Variants in KIF4A observed in about 807,000 individuals in gnomAD.
KIF4A encodes the protein kinesin family member 4A.
Under a neutral mutation model 105.9 loss-of-function variants are expected in KIF4A, and 7 were observed. The ratio of observed to expected loss-of-function variants is 0.07; its 90% confidence interval spans 0.04 to 0.12. The LOEUF (loss-of-function observed/expected upper bound fraction) is 0.12, where lower values mean the gene tolerates loss of function less well. Among genes scored for constraint, KIF4A ranks in the 10% least tolerant of loss-of-function variants. The probability of loss-of-function intolerance (pLI) is 1.00; values close to 1 mark genes in which losing one functional copy is unlikely to be tolerated. For synonymous variants in KIF4A, 281 were observed against 331.3 expected (o/e 0.85, Z 1.65); for missense variants, 558 against 929.2 (o/e 0.60, Z 5.19).
intron 15 of KIF4A, among the ~76,000 whole-genome samples, chrX:70,354,771 C>T (rs147021437): frequency 0.017 from 1,924 of 111,649 alleles, 24 homozygotes; most frequent in Non-Finnish European, 0.027. Context: ...TCCAGGGGAT[C>T]CCCCAGGGCC....
intron 22 of KIF4A, among the ~76,000 whole-genome samples, chrX:70,400,444 A>G (rs990098915): frequency 1.8e-5 from 2 of 111,753 alleles, no homozygotes; most frequent in Non-Finnish European, 3.8e-5. Flanking sequence ...TTGGGTTGCA[A>G]CTAACTCTTA....
chrX:70,369,570 C>G (rs1243366276), intron 15 of KIF4A, among the ~76,000 whole-genome samples: 1 of 111,755 alleles, frequency 8.9e-6, no homozygotes, highest in Non-Finnish European at 1.9e-5. Context: ...ATCCTCATGA[C>G]TCTGTAATTC....
rs929586415 is a variant in KIF4A at position 70,406,766 on chromosome X, G to C, written c.3073-127G>C. On this transcript the variant is annotated intron_variant, in intron 27 of 30. Transcript: ENST00000374403. ...TCTGATTGGTAAAGCCAAGTGGGGT[G>C]GATTTGAGAGAGTCTGAAATCTTTG... The C allele has an allele frequency of 3.9e-5, 27 of 697,966 alleles. No homozygotes were observed. The African/African-American group carries it at 5.7e-4, about 15-fold the overall frequency. 57.5% of individuals were successfully genotyped at this position (697,966 alleles called of 1,213,427 possible).
intron 20 of KIF4A, among the ~76,000 whole-genome samples, chrX:70,391,761 C>T (rs979357547): frequency 1.8e-5 from 2 of 111,111 alleles, no homozygotes. Context: ...TCAGTCCTCA[C>T]CCTCCTCCCA....
intron 9 of KIF4A, 78 bp downstream of exon 9, chrX:70,330,410 T>A: frequency 2.1e-6 from 2 of 953,444 alleles, no homozygotes; most frequent in Non-Finnish European, 2.9e-6. Context: ...TTCAGTTTCT[T>A]CTTTATCAGA....
At chrX:70,319,979 C>A (rs2085884501) in intron 7 of KIF4A, among the ~76,000 whole-genome samples, 1 of 111,645 alleles carries the variant, frequency 9.0e-6, no homozygotes, top group African/African-American at 3.3e-5. Flanking sequence ...CCATCTTACC[C>A]AACCTCTCTG....
intron 22 of KIF4A, among the ~76,000 whole-genome samples, chrX:70,398,631 G>A (rs954189128): frequency 3.6e-5 from 4 of 111,703 alleles, no homozygotes; most frequent in Non-Finnish European, 7.5e-5. Flanking sequence ...AATCTTCCTT[G>A]TTCTCTAAAC....
chrX:70,368,635 C>T (rs776625125), intron 15 of KIF4A, among the ~76,000 whole-genome samples: 113 of 111,614 alleles, frequency 1.0e-3, no homozygotes, highest in Middle Eastern at 9.2e-3. Context: ...AGCACCCGGC[C>T]GTGTGAGGTG....
chrX:70,332,023 C>G (rs1602752181), intron 9 of KIF4A, among the ~76,000 whole-genome samples: 1 of 111,898 alleles, frequency 8.9e-6, no homozygotes, highest in East Asian at 2.8e-4. Flanking sequence ...TATTCACTGA[C>G]CTGGGTTACA....
intron 10 of KIF4A, among the ~76,000 whole-genome samples, chrX:70,336,788 C>T (rs1185945201): frequency 9.0e-6 from 1 of 111,536 alleles, no homozygotes; most frequent in African/African-American, 3.3e-5. Flanking sequence ...TTTAAGTGTA[C>T]AATTCAATGG....
chrX:70,416,618 G>C (rs977248139), intron 28 of KIF4A, among the ~76,000 whole-genome samples: 1 of 111,529 alleles, frequency 9.0e-6, no homozygotes, highest in Non-Finnish European at 1.9e-5. Flanking sequence ...TTACTGGCAT[G>C]AGCCACCGCA....
In KIF4A at chrX:70,329,666, C is replaced by A. The variant is rs7883259; in HGVS notation, c.895+145C>A. The stretch of plus-strand genomic sequence containing the variant: ...GATAAATACGAGAGAGTGCTGTTGG[C>A]AAGCAGGTTTCTAAGATAATGGAAA... On this transcript the variant is annotated intron_variant, in intron 8 of 30. Transcript: ENST00000374403. The A allele has an allele frequency of 6.0e-4, 274 of 458,467 alleles. 1 individual carries two copies. The African/African-American group carries it at 6.1e-3, about 10-fold the overall frequency. 37.8% of individuals were successfully genotyped at this position (458,467 alleles called of 1,213,427 possible).
chrX:70,371,730 G>C (rs1357983645), intron 15 of KIF4A, among the ~76,000 whole-genome samples: 2 of 109,632 alleles, frequency 1.8e-5, no homozygotes, highest in Non-Finnish European at 3.8e-5. Flanking sequence ...TCCCGGACGG[G>C]GCGGCTGCTG....
At chrX:70,316,567 C>T (rs1353116414) in intron 7 of KIF4A, among the ~76,000 whole-genome samples, 1 of 111,123 alleles carries the variant, frequency 9.0e-6, no homozygotes. Flanking sequence ...ATTGCATATA[C>T]ATATATGTGT....
intron 20 of KIF4A, among the ~76,000 whole-genome samples, chrX:70,391,056 G>A (rs937748262): frequency 1.8e-5 from 2 of 111,572 alleles, no homozygotes; most frequent in South Asian, 3.7e-4. Flanking sequence ...TGGCAATTAC[G>A]AATAAAGCTG....
chrX:70,372,624 G>A (rs1290096600), intron 15 of KIF4A, among the ~76,000 whole-genome samples: 1 of 113,651 alleles, frequency 8.8e-6, no homozygotes, highest in Non-Finnish European at 1.9e-5. Flanking sequence ...GCATCAGAGG[G>A]AGACCGTGGA....
At chrX:70,399,463 A>G (rs2086272187) in intron 22 of KIF4A, among the ~76,000 whole-genome samples, 1 of 111,069 alleles carries the variant, frequency 9.0e-6, no homozygotes, top group South Asian at 3.8e-4. Flanking sequence ...AACTTTTCTG[A>G]TAAGACCAGT....
intron 15 of KIF4A, among the ~76,000 whole-genome samples, chrX:70,368,069 A>G (rs1006685869): frequency 1.2e-4 from 13 of 111,647 alleles, no homozygotes; most frequent in Non-Finnish European, 2.3e-4. Flanking sequence ...TGCATTCGTC[A>G]CGTAGTTCTC....
In KIF4A at chrX:70,356,822, CCTT is replaced by C. The variant is rs777356563; in HGVS notation, c.1674+3022_1674+3024del. Among the ~76,000 whole-genome samples, 400 of 111,789 alleles carry C rather than the reference CCTT, an allele frequency of 3.6e-3. 3 individuals carry two copies. The highest frequency in any genetic ancestry group is 0.012 in the African/African-American group (379 of 30,797). On this transcript the variant is annotated intron_variant, in intron 15 of 30. Coordinates refer to ENST00000374403, the MANE Select transcript of KIF4A (RefSeq NM_012310.5). The stretch of plus-strand genomic sequence containing the variant: ...CCCACCACCTGTGCACACTGCCTCA[CCTT>C]CTTCTTTCAAAATGGTTATATCACC...
Sources: gnomAD v4.1 joint callset for allele counts (sites outside exome capture counted in the v4.1 genomes callset) on GRCh38, gnomAD v4.1.1 for gene constraint, MANE v1.5 for transcripts, NCBI Gene and HGNC (gene_info 2026-07-23, HGNC 2026-07-21) for gene names.